PTPRG: variants seen among roughly 807,000 people sequenced by gnomAD.
PTPRG encodes the protein receptor-type tyrosine-protein phosphatase gamma.
In PTPRG, 102 loss-of-function variants were observed where a neutral mutation model predicts 165.3. That is an observed-to-expected ratio of 0.62 (90% confidence interval 0.53 to 0.73). PTPRG has a LOEUF of 0.73. Ranked by LOEUF, PTPRG falls within the 30% of genes least tolerant of loss-of-function variation. The pLI, the probability that PTPRG is intolerant of heterozygous loss-of-function variation, is 0.00. For missense variants in PTPRG, 1,866 were observed against 1,861.4 expected (o/e 1.00, Z -0.05); for synonymous variants, 675 against 669.5 (o/e 1.01, Z -0.13).
intron 2 of PTPRG, among the ~76,000 whole-genome samples, chr3:61,817,849 A>AT (rs2035834984): frequency 6.6e-6 from 1 of 152,182 alleles, no homozygotes; most frequent in Non-Finnish European, 1.5e-5. Flanking sequence ...GGGCTCTATC[A>AT]TTTTCCAAAC....
chr3:61,939,928 C>CTTTTTTTTTTTTTTTTTTTT lies in PTPRG; in HGVS notation c.191-49680_191-49661dup, dbSNP rs561334410. Among the ~76,000 whole-genome samples the CTTTTTTTTTTTTTTTTTTTT allele has an allele frequency of 1.5e-4, 6 of 39,142 alleles. 2 individuals carry two copies. Among genetic ancestry groups the CTTTTTTTTTTTTTTTTTTTT allele is most frequent in the Non-Finnish European group, 2.8e-4 (6 of 21,766 alleles). 25.7% of individuals were successfully genotyped at this position (39,142 alleles called of 152,430 possible). A position where few individuals can be genotyped will look rare whatever the true frequency, so the allele number is the denominator to read the frequency against. Reference sequence around the variant, plus strand: ...TGTCTTGGCTTCCTTACTGACTTGTCTTTTTTTTTTTTTTTTTTTTTTTTT... The same window carrying CTTTTTTTTTTTTTTTTTTTT: ...TGTCTTGGCTTCCTTACTGACTTGTCTTTTTTTTTTTTTTTTTTTTTTTTTTTTTTTTTTTTTTTTTTTTT... On this transcript the variant is annotated intron_variant, in intron 2 of 29. Coordinates refer to ENST00000474889, the MANE Select transcript of PTPRG (RefSeq NM_002841.4).
At chr3:62,026,113 C>T (rs2041798233) in intron 4 of PTPRG, among the ~76,000 whole-genome samples, 1 of 152,124 alleles carries the variant, frequency 6.6e-6, no homozygotes, top group African/African-American at 2.4e-5. Context: ...GTTTATTTCT[C>T]ATAGATTTAC....
chr3:62,167,739 G>C (rs1463874467), intron 7 of PTPRG, among the ~76,000 whole-genome samples: 1 of 152,146 alleles, frequency 6.6e-6, no homozygotes, highest in African/African-American at 2.4e-5. Context: ...CAAATGAAGT[G>C]TTTTGCTGGT....
At chr3:61,583,572 C>A (rs1404084124) in intron 1 of PTPRG, among the ~76,000 whole-genome samples, 2 of 152,082 alleles carry the variant, frequency 1.3e-5, no homozygotes, top group Non-Finnish European at 1.5e-5. Flanking sequence ...GCTAATAGGA[C>A]CTTTGCTACT....
intron 7 of PTPRG, 91 bp downstream of exon 7, chr3:62,157,315 T>A: frequency 7.4e-7 from 1 of 1,354,152 alleles, no homozygotes. Flanking sequence ...CACTAAGGAA[T>A]TTGTTCTTGA....
chr3:61,598,828 A>G (rs547713471), intron 1 of PTPRG, among the ~76,000 whole-genome samples: 89 of 151,960 alleles, frequency 5.9e-4, no homozygotes, highest in Admixed American at 9.8e-4. Context: ...TGGTCTTTTG[A>G]CATTCTTTGG....
chr3:61,635,298 T>C (rs529414328), intron 1 of PTPRG, among the ~76,000 whole-genome samples: 1 of 150,674 alleles, frequency 6.6e-6, no homozygotes, highest in East Asian at 1.9e-4. Flanking sequence ...ATCATTATGC[T>C]GTTTAGTTTT....
chr3:62,286,030 G>C (rs780931547), intron 28 of PTPRG, among the ~76,000 whole-genome samples: 2 of 152,074 alleles, frequency 1.3e-5, no homozygotes, highest in African/African-American at 2.4e-5. Context: ...AGGGCTAATC[G>C]TATTTTAACA....
chr3:62,173,234 A>G (rs775169316), intron 8 of PTPRG, among the ~76,000 whole-genome samples: 3 of 151,790 alleles, frequency 2.0e-5, no homozygotes, highest in Non-Finnish European at 4.4e-5. Context: ...TTATTGTTAT[A>G]TTGCTATTTT....
At chr3:61,885,631 G>A (rs1019254065) in intron 2 of PTPRG, among the ~76,000 whole-genome samples, 2 of 121,046 alleles carry the variant, frequency 1.7e-5, no homozygotes, top group African/African-American at 6.4e-5. Flanking sequence ...ATACAGTGGA[G>A]CATTTATAGA....
intron 26 of PTPRG, among the ~76,000 whole-genome samples, chr3:62,278,259 G>GT (rs759628337): frequency 6.6e-6 from 1 of 151,740 alleles, no homozygotes. Context: ...CCAAAATATT[G>GT]TATCAAAAGT....
intron 6 of PTPRG, among the ~76,000 whole-genome samples, chr3:62,141,845 G>T (rs1449855782): frequency 4.0e-5 from 6 of 151,716 alleles, no homozygotes; most frequent in Non-Finnish European, 5.9e-5. Context: ...GGAGGTTGAG[G>T]CTGCAGTGAG....
chr3:61,787,005 G>A (rs1386981641), intron 2 of PTPRG, among the ~76,000 whole-genome samples: 2 of 152,090 alleles, frequency 1.3e-5, no homozygotes, highest in African/African-American at 2.4e-5. Flanking sequence ...TCCTGAAAGG[G>A]GAAATAGTTG....
intron 2 of PTPRG, among the ~76,000 whole-genome samples, chr3:61,868,874 G>C (rs2037482483): frequency 6.6e-6 from 1 of 151,562 alleles, no homozygotes; most frequent in Non-Finnish European, 1.5e-5. Context: ...TTTATAACAA[G>C]GTCTGATTTG....
intron 1 of PTPRG, among the ~76,000 whole-genome samples, chr3:61,719,022 C>T (rs956031527): frequency 1.3e-5 from 2 of 152,154 alleles, no homozygotes; most frequent in African/African-American, 4.8e-5. Flanking sequence ...CCAGCCATCA[C>T]CTGGCTCACT....
intron 2 of PTPRG, among the ~76,000 whole-genome samples, chr3:61,752,255 A>G (rs1458855541): frequency 2.0e-5 from 3 of 152,144 alleles, no homozygotes; most frequent in African/African-American, 7.2e-5. Context: ...CCTCAAGTTC[A>G]GTGGTTGGCA....
At chr3:61,973,947 C>T (rs1216040783) in intron 2 of PTPRG, among the ~76,000 whole-genome samples, 1 of 152,060 alleles carries the variant, frequency 6.6e-6, no homozygotes, top group Non-Finnish European at 1.5e-5. Flanking sequence ...CCTTTGCCTT[C>T]TTGATAATGT....
chr3:62,225,193 C>T (rs905957447), intron 13 of PTPRG, among the ~76,000 whole-genome samples: 4 of 152,326 alleles, frequency 2.6e-5, no homozygotes, highest in Admixed American at 6.5e-5. Flanking sequence ...CAGTCAGATA[C>T]TGCATTCCAA....
intron 5 of PTPRG, among the ~76,000 whole-genome samples, chr3:62,119,779 C>G (rs1393307957): frequency 7.1e-6 from 1 of 141,148 alleles, no homozygotes. Context: ...GGCCACCACG[C>G]CTGGCTAATT....
Sources: gnomAD v4.1 joint callset for allele counts (sites outside exome capture counted in the v4.1 genomes callset) on GRCh38, gnomAD v4.1.1 for gene constraint, MANE v1.5 for transcripts, NCBI Gene and HGNC (gene_info 2026-07-23, HGNC 2026-07-21) for gene names.